Variants in SGO2 observed in about 807,000 individuals in gnomAD.
SGO2 encodes shugoshin 2, also known as shugoshin-like 2.
In SGO2, 68 loss-of-function variants were observed where a neutral mutation model predicts 99.5. That is an observed-to-expected ratio of 0.68 (90% CI 0.56 to 0.84). SGO2 has a LOEUF of 0.84. Among genes scored for constraint, SGO2 ranks in the 40% least tolerant of loss-of-function variants. SGO2 has a pLI of 0.00. For missense variants in SGO2, 1,350 were observed against 1,436.7 expected, an observed-to-expected ratio of 0.94 and a Z score of 0.97; for synonymous variants, 457 against 487.1, an observed-to-expected ratio of 0.94 and a Z score of 0.81.
Position 200,571,986 on chromosome 2 carries a change from A to G in SGO2, c.1640A>G (p.Asn547Ser). 1 of 1,609,984 alleles carries G rather than the reference A, an allele frequency of 6.2e-7. No individual in the cohort carries two copies. Among genetic ancestry groups the G allele is most frequent in the Non-Finnish European group, 8.5e-7 (1 of 1,178,778 alleles). The change falls in exon 7 of 9, where the codon AAC (asparagine) becomes AGC (serine). Residue 547 changes from asparagine to serine, a missense_variant. By Grantham distance (46) the Asn-to-Ser change is conservative. Coordinates refer to ENST00000357799, the MANE Select transcript of SGO2 (RefSeq NM_152524.6). ...TFVIHKLEKD[N>S]LLPNQKDKVT... ...GTGATTCACAAATTAGAAAAAGATA[A>G]CTTACTCCCAAACCAAAAGGATAAA... is the stretch of plus-strand genomic sequence containing the variant.
intron 5 of SGO2, among the ~76,000 whole-genome samples, chr2:200,549,142 C>T (rs1178509912): frequency 6.6e-6 from 1 of 152,032 alleles, no homozygotes; most frequent in Admixed American, 6.6e-5. Context: ...GAGGATTAAT[C>T]CTGTCAGGCT....
At chr2:200,548,728 A>G (rs927305330) in intron 5 of SGO2, among the ~76,000 whole-genome samples, 1 of 152,196 alleles carries the variant, frequency 6.6e-6, no homozygotes, top group Non-Finnish European at 1.5e-5. Context: ...AGAGAGGACT[A>G]TAATAAATAA....
intron 5 of SGO2, among the ~76,000 whole-genome samples, chr2:200,549,424 A>G (rs2032369989): frequency 6.6e-6 from 1 of 152,214 alleles, no homozygotes; most frequent in Admixed American, 6.5e-5. Flanking sequence ...TTACCCTAAT[A>G]CCAAAACCAG....
At chr2:200,530,600 A>G (rs1416137151) in intron 1 of SGO2, among the ~76,000 whole-genome samples, 1 of 152,024 alleles carries the variant, frequency 6.6e-6, no homozygotes, top group African/African-American at 2.4e-5. Context: ...AAAGAGAGGA[A>G]GTTCAAGGAA....
chr2:200,561,313 C>T lies in SGO2; in HGVS notation c.474-8350C>T, dbSNP rs561829458. On this transcript the variant is annotated intron_variant, in intron 5 of 8. Transcript: ENST00000357799. ...TGCAGTGTTTGGTTTTCTGTCCTTGCAATAGTTTGCTGAGAATGATGGTTT... is the reference window on the plus strand; with the variant it reads ...TGCAGTGTTTGGTTTTCTGTCCTTGTAATAGTTTGCTGAGAATGATGGTTT... Among the ~76,000 whole-genome samples the T allele has an allele frequency of 1.7e-3, 265 of 152,206 alleles. 1 individual carries two copies. Among genetic ancestry groups the T allele is most frequent in the Admixed American group, 3.7e-3 (57 of 15,286 alleles).
In SGO2 at chr2:200,572,707, G is replaced by A. The variant is rs748013748; in HGVS notation, c.2361G>A (p.Gly787=). ...ATTCTGAGATTCAAAATGTTTTGGG[G>A]GTGAAACATGGCCATGATATGCAAC... ...LYDSEIQNVL[G]VKHGHDMQPA... Residue 787 remains glycine (G), a synonymous_variant, in exon 7 of 9, where the codon GGG becomes GGA. Transcript: ENST00000357799. 10 of 1,612,720 alleles carry A rather than the reference G, an allele frequency of 6.2e-6. No homozygotes were observed. Among genetic ancestry groups the A allele is most frequent in the Middle Eastern group, 3.3e-4 (2 of 6,060 alleles).
chr2:200,570,478 ATGTG>A lies in SGO2; in HGVS notation c.704-543_704-540del, dbSNP rs71022323. ...TTAGAATTGTTTTTCCTTTCTGAAA[ATGTG>A]TGTGTGTGTGTGTGTGTGTGTGTGT... On this transcript the variant is annotated intron_variant, in intron 6 of 8. Coordinates refer to ENST00000357799, the MANE Select transcript of SGO2 (RefSeq NM_152524.6). This position sits in a 1 kb window ranked among gnomAD's most constrained non-coding sequence, Gnocchi z 4.4. Among the ~76,000 whole-genome samples the A allele has an allele frequency of 8.7e-3, 1,240 of 142,812 alleles. 6 individuals carry two copies. Among genetic ancestry groups the A allele is most frequent in the Middle Eastern group, 0.017 (5 of 286 alleles). 93.7% of individuals were successfully genotyped at this position (142,812 alleles called of 152,430 possible). A position where few individuals can be genotyped will look rare whatever the true frequency, so the allele number is the denominator to read the frequency against.
At chr2:200,541,307 G>T (rs887873942) in intron 4 of SGO2, among the ~76,000 whole-genome samples, 1 of 152,188 alleles carries the variant, frequency 6.6e-6, no homozygotes, top group Admixed American at 6.5e-5. Context: ...ATGGTCCTCT[G>T]CTTTGATCGT....
intron 4 of SGO2, among the ~76,000 whole-genome samples, chr2:200,538,211 T>C (rs1196286027): frequency 6.6e-6 from 1 of 152,148 alleles, no homozygotes; most frequent in Non-Finnish European, 1.5e-5. Flanking sequence ...ATCTGAAAAC[T>C]GAAACTCTTC....
intron 4 of SGO2, among the ~76,000 whole-genome samples, chr2:200,536,602 T>G (rs10497850): frequency 6.6e-6 from 1 of 152,120 alleles, no homozygotes; most frequent in South Asian, 2.1e-4. Flanking sequence ...TTTTGGAGAA[T>G]TCAGAGGGCT....
At position 200,571,855 on chromosome 2, in the gene SGO2, A is replaced by G. The variant is rs772443317; in HGVS notation, c.1509A>G (p.Thr503=). 1 of 1,613,590 alleles carries G rather than the reference A, an allele frequency of 6.2e-7. No individual in the cohort carries two copies. Among genetic ancestry groups the G allele is most frequent in the Non-Finnish European group, 8.5e-7 (1 of 1,179,624 alleles). ...GAATAACAAATGAGCAAGAGGAAAC[A>G]TACTCTTTATCCCAAAGTTCAGGTA... The part of the protein sequence containing the change: ...EKRITNEQEE[T]YSLSQSSGKF... The change falls in exon 7 of 9, where the codon ACA becomes ACG. Residue 503 remains threonine (T), a synonymous_variant. Transcript: ENST00000357799.
chr2:200,575,525 G>A, intron 8 of SGO2, 64 bp downstream of exon 8: 1 of 1,250,970 alleles, frequency 8.0e-7, no homozygotes, highest in Non-Finnish European at 1.1e-6. Flanking sequence ...ATTTCTGCCT[G>A]AATTAGTATT....
chr2:200,561,501 T>C (rs1025714504), intron 5 of SGO2, among the ~76,000 whole-genome samples: 2 of 152,248 alleles, frequency 1.3e-5, no homozygotes, highest in East Asian at 3.8e-4. Flanking sequence ...CTATTGTGAA[T>C]AGTGCTGCAA....
chr2:200,576,580 G>GA (rs957363524), intron 8 of SGO2, among the ~76,000 whole-genome samples: 6 of 150,690 alleles, frequency 4.0e-5, no homozygotes, highest in African/African-American at 7.3e-5. Flanking sequence ...TCTCAAAAAA[G>GA]AAAAAAAAAG....
chr2:200,573,563 A>G lies in SGO2; in HGVS notation c.3217A>G (p.Asn1073Asp). ...AGGAGAGTGTCAGGTTAAAAAGGTA[A>G]ATAAAATGACATCTAAGTCAAAGAA... is the stretch of plus-strand genomic sequence containing the variant. ...KEGECQVKKV[N>D]KMTSKSKKRK... Residue 1073 changes from asparagine to aspartate, a missense_variant, in exon 7 of 9, where the codon AAT (asparagine) becomes GAT (aspartate). By Grantham distance (23) the Asn-to-Asp change is conservative. Transcript: ENST00000357799. 6.2e-7 allele frequency: 1 copy of G among 1,606,216 alleles called. No homozygotes were observed. Among genetic ancestry groups the G allele is most frequent in the South Asian group, 1.1e-5 (1 of 88,862 alleles).
rs1429551334 is a variant in SGO2 at position 200,572,747 on chromosome 2, G to T, written c.2401G>T (p.Asp801Tyr). 3.1e-6 allele frequency: 5 copies of T among 1,612,608 alleles called. No homozygotes were observed. The highest frequency in any genetic ancestry group is 1.1e-5 in the South Asian group (1 of 90,806). The change falls in exon 7 of 9, where the codon GAT becomes TAT. Residue 801 changes from aspartate to tyrosine, a missense_variant. By Grantham distance (160) the Asp-to-Tyr change is radical (BLOSUM62 -3). Transcript: ENST00000357799. ...TGATATGCAACCTGCTTGTCAAAATGATTCAAAAATAGGTAAGAAGCCTAG... is the reference window on the plus strand; with the variant it reads ...TGATATGCAACCTGCTTGTCAAAATTATTCAAAAATAGGTAAGAAGCCTAG... ...GHDMQPACQNDSKIGKKPRLN... is the reference protein window; with the variant it reads ...GHDMQPACQNYSKIGKKPRLN...
intron 5 of SGO2, among the ~76,000 whole-genome samples, chr2:200,551,557 A>T (rs1025172212): frequency 1.3e-5 from 2 of 152,054 alleles, no homozygotes; most frequent in African/African-American, 4.8e-5. Context: ...ACCTCAATAC[A>T]TTTTTTTAAA....
At chr2:200,564,655 G>A (rs973794657) in intron 5 of SGO2, among the ~76,000 whole-genome samples, 14 of 152,200 alleles carry the variant, frequency 9.2e-5, no homozygotes, top group South Asian at 2.1e-4. Flanking sequence ...AATGTTGACA[G>A]TAGGGTGTTA....
intron 5 of SGO2, among the ~76,000 whole-genome samples, chr2:200,553,925 A>G (rs2032598397): frequency 6.6e-6 from 1 of 152,186 alleles, no homozygotes. Flanking sequence ...TGTGTACACA[A>G]GGTATGAGGC....
Sources: allele counts gnomAD v4.1 joint callset (sites outside exome capture counted in the v4.1 genomes callset), GRCh38; gene constraint gnomAD v4.1.1; non-coding constraint Gnocchi (gnomAD v3.1); transcripts MANE v1.5; gene names NCBI Gene and HGNC (gene_info 2026-07-23, HGNC 2026-07-21).